Variants in EYS observed in about 807,000 individuals in gnomAD.
EYS encodes protein eyes shut homolog.
EYS carries 250 observed loss-of-function variants against 282.1 expected under a neutral mutation model. That is an observed-to-expected ratio of 0.89 (90% CI 0.80 to 0.98). The LOEUF (loss-of-function observed/expected upper bound fraction) is 0.98. Among genes scored for constraint, EYS ranks in the 50% least tolerant of loss-of-function variants. EYS has a pLI of 0.00. For missense variants in EYS, 4,016 were observed against 3,709.0 expected (o/e 1.08, Z -2.15); for synonymous variants, 1,355 against 1,282.9 (o/e 1.06, Z -1.20).
intron 26 of EYS, among the ~76,000 whole-genome samples, chr6:64,456,233 G>T (rs1051829384): frequency 3.3e-5 from 5 of 151,988 alleles, no homozygotes; most frequent in Non-Finnish European, 7.4e-5. Context: ...ACTACAAAAG[G>T]TTTCATTTAA....
intron 36 of EYS, among the ~76,000 whole-genome samples, chr6:63,843,076 G>T (rs899036455): frequency 5.9e-5 from 9 of 152,118 alleles, no homozygotes; most frequent in Non-Finnish European, 1.2e-4. Flanking sequence ...GCTTAGGATT[G>T]TCTTGGCTAT....
chr6:65,385,010 A>G (rs1347258019), intron 7 of EYS, among the ~76,000 whole-genome samples: 6 of 151,856 alleles, frequency 4.0e-5, no homozygotes, highest in Non-Finnish European at 7.4e-5. Context: ...CAAACAATCT[A>G]TATTCCAGTC....
intron 22 of EYS, among the ~76,000 whole-genome samples, chr6:64,791,510 C>G (rs1428714546): frequency 1.3e-5 from 2 of 151,772 alleles, no homozygotes; most frequent in Admixed American, 6.6e-5. Flanking sequence ...GCTATAAAAG[C>G]AACATTTTCA....
At chr6:65,152,239 A>G (rs1764627845) in intron 12 of EYS, among the ~76,000 whole-genome samples, 1 of 151,922 alleles carries the variant, frequency 6.6e-6, no homozygotes, top group Non-Finnish European at 1.5e-5. Context: ...ATGCTGGCCT[A>G]TGTTCTTCTA....
intron 26 of EYS, among the ~76,000 whole-genome samples, chr6:64,446,762 GAT>G (rs969942994): frequency 2.6e-5 from 4 of 151,960 alleles, no homozygotes; most frequent in Non-Finnish European, 4.4e-5. Flanking sequence ...CTTAAGTAAA[GAT>G]ATATATAATT....
At chr6:65,186,305 C>T (rs115876888) in intron 12 of EYS, among the ~76,000 whole-genome samples, 91 of 151,770 alleles carry the variant, frequency 6.0e-4, no homozygotes, top group African/African-American at 2.1e-3. Context: ...GGAAAGATCA[C>T]GTTTCATACG....
chr6:64,820,134 A>G (rs1399449323), intron 21 of EYS, among the ~76,000 whole-genome samples: 1 of 152,032 alleles, frequency 6.6e-6, no homozygotes, highest in Non-Finnish European at 1.5e-5. Flanking sequence ...CTTTATAGCT[A>G]TTAAAAAGAA....
At chr6:65,123,208 G>T (rs1216342333) in intron 12 of EYS, among the ~76,000 whole-genome samples, 1 of 151,978 alleles carries the variant, frequency 6.6e-6, no homozygotes, top group Non-Finnish European at 1.5e-5. Context: ...CCCTAATGTT[G>T]TATCCTAATA....
intron 14 of EYS, among the ~76,000 whole-genome samples, chr6:64,981,264 A>T (rs1353286757): frequency 6.6e-6 from 1 of 151,488 alleles, no homozygotes. Context: ...GGTAATAGAG[A>T]AACCCAAGAA....
intron 19 of EYS, among the ~76,000 whole-genome samples, chr6:64,836,441 T>C (rs1006544028): frequency 4.6e-5 from 7 of 151,474 alleles, no homozygotes; most frequent in African/African-American, 1.7e-4. Context: ...TACACACACA[T>C]ATATTTTTGG....
At position 64,699,928 on chromosome 6, in the gene EYS, G is replaced by T. The variant is rs548477597; in HGVS notation, c.3444-73683C>A. 4.6e-5 allele frequency among the ~76,000 whole-genome samples: 7 copies of T among 152,022 alleles called. No homozygotes were observed. The South Asian group carries it at 1.5e-3, about 32-fold the overall frequency. ...AAACTACATACCCATATCTCTGATA[G>T]ATATAGATGCAAAAATCCCCCATAT... is the stretch of plus-strand genomic sequence containing the variant. On this transcript the variant is annotated intron_variant, in intron 22 of 42. Transcript: ENST00000503581.
intron 15 of EYS, among the ~76,000 whole-genome samples, chr6:64,924,731 A>G (rs1440162976): frequency 1.3e-5 from 2 of 152,158 alleles, no homozygotes; most frequent in African/African-American, 4.8e-5. Context: ...GCAAAATTCC[A>G]CCAGTCTCTT....
chr6:64,060,979 A>G (rs1245947665), intron 33 of EYS, among the ~76,000 whole-genome samples: 1 of 152,168 alleles, frequency 6.6e-6, no homozygotes, highest in East Asian at 1.9e-4. Context: ...GCAGTAATAC[A>G]GTTCTTGGCC....
chr6:65,128,774 A>G (rs1362514149), intron 12 of EYS, among the ~76,000 whole-genome samples: 1 of 152,028 alleles, frequency 6.6e-6, no homozygotes, highest in Non-Finnish European at 1.5e-5. Context: ...TATTTCTACC[A>G]TACTAACAAC....
chr6:64,576,756 G>T (rs1212379329), intron 26 of EYS, among the ~76,000 whole-genome samples: 1 of 151,996 alleles, frequency 6.6e-6, no homozygotes, highest in Non-Finnish European at 1.5e-5. Context: ...TGATGTATCA[G>T]CCTTGTGCTT....
At position 65,156,440 on chromosome 6, in the gene EYS, C is replaced by G. The variant is rs1764732568; in HGVS notation, c.2024-98713G>C. ...TGTTCCCATATTTTCTGGACTTCCTCTTTCCAAGTCCAACTTCCTTCAGTT... is the reference window on the plus strand; with the variant it reads ...TGTTCCCATATTTTCTGGACTTCCTGTTTCCAAGTCCAACTTCCTTCAGTT... On this transcript the variant is annotated intron_variant, in intron 12 of 42. Transcript: ENST00000503581. 2.0e-5 allele frequency among the ~76,000 whole-genome samples: 3 copies of G among 151,180 alleles called. No individual in the cohort carries two copies. In the South Asian group the frequency reaches 6.2e-4, roughly 31 times the overall value.
intron 31 of EYS, among the ~76,000 whole-genome samples, chr6:64,187,444 T>C (rs112386150): frequency 2.4e-4 from 37 of 152,264 alleles, no homozygotes; most frequent in Non-Finnish European, 2.5e-4. Flanking sequence ...AACGTATTTC[T>C]TTGTGTTGGA....
At chr6:64,885,056 G>C (rs75214176) in intron 19 of EYS, among the ~76,000 whole-genome samples, 1 of 151,510 alleles carries the variant, frequency 6.6e-6, no homozygotes, top group Non-Finnish European at 1.5e-5. Context: ...CTATAATCAT[G>C]AATTAAAAAC....
At chr6:64,947,685 G>A (rs1210649945) in intron 14 of EYS, among the ~76,000 whole-genome samples, 1 of 149,094 alleles carries the variant, frequency 6.7e-6, no homozygotes, top group Non-Finnish European at 1.5e-5. Context: ...ATTAAAAGAG[G>A]ACTTACATAA....
Sources: gnomAD v4.1 joint callset for allele counts (sites outside exome capture counted in the v4.1 genomes callset) on GRCh38, gnomAD v4.1.1 for gene constraint, MANE v1.5 for transcripts, NCBI Gene and HGNC (gene_info 2026-07-23, HGNC 2026-07-21) for gene names.